The following PLA2G12B variants were observed in gnomAD, a reference collection of about 807,000 sequenced individuals.
PLA2G12B encodes phospholipase A2 group XIIB.
Under a neutral mutation model 22.3 loss-of-function variants are expected in PLA2G12B, and 19 were observed. That is an observed-to-expected ratio of 0.85 (90% confidence interval 0.60 to 1.25). The LOEUF is 1.25. Ranked by LOEUF, PLA2G12B falls within the 50% of genes most tolerant of loss-of-function variation. The pLI is 0.00. For missense variants in PLA2G12B, 191 were observed against 246.6 expected (o/e 0.77, Z 1.51); for synonymous variants, 81 against 94.9 (o/e 0.85, Z 0.85).
chr10:72,941,758 C>G (rs1846364741), intron 2 of PLA2G12B, among the ~76,000 whole-genome samples: 2 of 152,074 alleles, frequency 1.3e-5, no homozygotes, highest in African/African-American at 4.8e-5. Context: ...AAAAATTCAG[C>G]CTCCGTTCAT....
chr10:72,949,420 G>A (rs1195970259), intron 1 of PLA2G12B, among the ~76,000 whole-genome samples: 1 of 151,930 alleles, frequency 6.6e-6, no homozygotes, highest in Non-Finnish European at 1.5e-5. Flanking sequence ...TCTGTTAATT[G>A]CCTATTTCCA....
In PLA2G12B at chr10:72,935,458, A is replaced by T. The variant is rs1317047295; in HGVS notation, c.*159T>A. On this transcript the variant is annotated 3_prime_UTR_variant, in exon 4 of 4. Coordinates refer to ENST00000373032, the MANE Select transcript of PLA2G12B (RefSeq NM_032562.5). ...CTTTTTTCAAATTTCCTCAAAGGAT[A>T]GGACTCACTTTCCAGCTGTAGAAAA... 2.8e-6 allele frequency: 3 copies of T among 1,082,632 alleles called. No individual in the cohort carries two copies. In the African/African-American group the frequency reaches 4.8e-5, roughly 17 times the overall value. The allele number at this position is 1,082,632 out of a possible 1,614,324, so 67.1% of individuals were successfully genotyped here. A position where few individuals can be genotyped will look rare whatever the true frequency, so the allele number is the denominator to read the frequency against.
intron 1 of PLA2G12B, among the ~76,000 whole-genome samples, chr10:72,945,937 C>A (rs975652917): frequency 6.6e-6 from 1 of 152,150 alleles, no homozygotes; most frequent in Non-Finnish European, 1.5e-5. Context: ...CGTGAGCCAC[C>A]TTTCCTGGCC....
At chr10:72,947,146 A>C (rs908419534) in intron 1 of PLA2G12B, among the ~76,000 whole-genome samples, 1 of 152,142 alleles carries the variant, frequency 6.6e-6, no homozygotes, top group East Asian at 1.9e-4. Flanking sequence ...GCTGGTCTTA[A>C]ACTCCTAGGC....
At chr10:72,942,303 C>G (rs946518029) in intron 2 of PLA2G12B, among the ~76,000 whole-genome samples, 12 of 152,048 alleles carry the variant, frequency 7.9e-5, no homozygotes, top group African/African-American at 2.7e-4. Flanking sequence ...CTGGCCAGCA[C>G]CAGCTGGCTC....
rs2132986151 is a variant in PLA2G12B at position 72,954,786 on chromosome 10, A to G, written c.-101T>C. On this transcript the variant is annotated 5_prime_UTR_variant, in exon 1 of 4. Coordinates refer to ENST00000373032, the MANE Select transcript of PLA2G12B (RefSeq NM_032562.5). ...ACCCAGATGTCAGGCAGGACTGGGA[A>G]AGGGATTATCTGGAACATTCAATCT... The G allele has an allele frequency of 8.1e-7, 1 of 1,230,312 alleles. No homozygotes were observed. The highest frequency in any genetic ancestry group is 1.5e-5 in the African/African-American group (1 of 66,376). The allele number at this position is 1,230,312 out of a possible 1,614,324, so 76.2% of individuals were successfully genotyped here.
At chr10:72,941,458 G>C (rs1368588938) in intron 2 of PLA2G12B, 124 bp from the exon 3 acceptor site, 2 of 880,544 alleles carry the variant, frequency 2.3e-6, no homozygotes, top group Non-Finnish European at 3.5e-6. Context: ...TGCATATCCC[G>C]ATCAATTCAG....
At chr10:72,943,966 TTC>T (rs1352705772) in intron 1 of PLA2G12B, among the ~76,000 whole-genome samples, 1 of 152,058 alleles carries the variant, frequency 6.6e-6, no homozygotes, top group Non-Finnish European at 1.5e-5. Context: ...TTTCTTTCTT[TTC>T]TTTCTTTCTT....
In PLA2G12B at chr10:72,935,723, AGG is replaced by A; in HGVS notation, c.480_481del (p.Leu161GlyfsTer2). On this transcript the variant is annotated frameshift_variant, in exon 4 of 4. Coordinates refer to ENST00000373032, the MANE Select transcript of PLA2G12B (RefSeq NM_032562.5). LOFTEE classifies it high-confidence loss of function. ...CACGGTGTTGAACACAGTGTCAACC[AGG>A]GAATCACAGGCTGCTTGAAAAAGAT... 7 of 1,613,876 alleles carry A rather than the reference AGG, an allele frequency of 4.3e-6. No homozygotes were observed. Among genetic ancestry groups the A allele is most frequent in the Non-Finnish European group, 5.9e-6 (7 of 1,179,892 alleles).
intron 2 of PLA2G12B, among the ~76,000 whole-genome samples, chr10:72,941,695 T>C (rs1846363787): frequency 6.6e-6 from 1 of 151,974 alleles, no homozygotes; most frequent in East Asian, 1.9e-4. Flanking sequence ...CACTTAACAG[T>C]CCCATATGAG....
At chr10:72,952,785 C>T (rs932781485) in intron 1 of PLA2G12B, among the ~76,000 whole-genome samples, 1 of 152,132 alleles carries the variant, frequency 6.6e-6, no homozygotes, top group African/African-American at 2.4e-5. Flanking sequence ...AGTTATTTGC[C>T]TTTCTCTTCT....
chr10:72,954,696 G>C lies in PLA2G12B; in HGVS notation c.-11C>G, dbSNP rs1846592064. On this transcript the variant is annotated 5_prime_UTR_variant, in exon 1 of 4. Coordinates refer to ENST00000373032, the MANE Select transcript of PLA2G12B (RefSeq NM_032562.5). ...ACTGGCCAGCTTCATCCTGCAGCCAGGTAGGTACTGGCTTCTCTCCTCAAA... is the reference window on the plus strand; with the variant it reads ...ACTGGCCAGCTTCATCCTGCAGCCACGTAGGTACTGGCTTCTCTCCTCAAA... 3 of 1,613,356 alleles carry C rather than the reference G, an allele frequency of 1.9e-6. No individual in the cohort carries two copies. The African/African-American group carries it at 4.0e-5, about 22-fold the overall frequency.
intron 1 of PLA2G12B, among the ~76,000 whole-genome samples, chr10:72,953,327 A>G (rs1347217415): frequency 6.6e-6 from 1 of 152,208 alleles, no homozygotes; most frequent in Non-Finnish European, 1.5e-5. Flanking sequence ...CTCTTAGTGT[A>G]TAAGGAAGCG....
intron 1 of PLA2G12B, among the ~76,000 whole-genome samples, chr10:72,944,816 C>T: frequency 6.6e-6 from 1 of 152,186 alleles, no homozygotes; most frequent in East Asian, 1.9e-4. Flanking sequence ...AGCCCTGGCT[C>T]TCATGGTCTA....
Position 72,941,232 on chromosome 10 carries a change from A to G in PLA2G12B, c.403T>C (p.Trp135Arg), listed in dbSNP as rs753804284. The G allele has an allele frequency of 9.9e-6, 16 of 1,613,954 alleles. No individual in the cohort carries two copies. The highest frequency in any genetic ancestry group is 1.3e-5 in the African/African-American group (1 of 74,892). Reference protein sequence around the residue: ...NKYRCDAKFRWCLHSICSDLK... With the variant: ...NKYRCDAKFRRCLHSICSDLK... ...TCAGAGCAGATCGAGTGGAGACACC[A>G]TCGGAATTTTGCATCACAGCGATAT... The change falls in exon 3 of 4, where the codon TGG becomes CGG. Residue 135 changes from tryptophan (W) to arginine (R), a missense_variant. Physicochemically the swap from Trp to Arg is moderately radical, Grantham distance 101. Coordinates refer to ENST00000373032, the MANE Select transcript of PLA2G12B (RefSeq NM_032562.5).
At chr10:72,940,895 C>T (rs558198551) in intron 3 of PLA2G12B, among the ~76,000 whole-genome samples, 1 of 152,186 alleles carries the variant, frequency 6.6e-6, no homozygotes, top group Admixed American at 6.5e-5. Context: ...CTTCTCCAGC[C>T]TTAAATGATA....
intron 1 of PLA2G12B, among the ~76,000 whole-genome samples, chr10:72,944,642 T>G (rs949242500): frequency 6.6e-6 from 1 of 152,222 alleles, no homozygotes; most frequent in Admixed American, 6.5e-5. Context: ...TTTCTCCATA[T>G]TGTATATTAT....
chr10:72,939,132 G>A (rs926849945), intron 3 of PLA2G12B, among the ~76,000 whole-genome samples: 1 of 152,196 alleles, frequency 6.6e-6, no homozygotes, highest in Non-Finnish European at 1.5e-5. Flanking sequence ...CTCCTTTTCA[G>A]GGTGATGAAT....
At chr10:72,935,854 A>G (rs1846272741) in intron 3 of PLA2G12B, 116 bp from the exon 4 acceptor site, 1 of 1,314,180 alleles carries the variant, frequency 7.6e-7, no homozygotes, top group African/African-American at 1.5e-5. Context: ...TACAGAATTC[A>G]AAGGAAGAGC....
Sources: gnomAD v4.1 joint callset for allele counts (sites outside exome capture counted in the v4.1 genomes callset) on GRCh38, gnomAD v4.1.1 for gene constraint, MANE v1.5 for transcripts, NCBI Gene and HGNC (gene_info 2026-07-23, HGNC 2026-07-21) for gene names.